FAM216A: variants seen among roughly 807,000 people sequenced by gnomAD.
FAM216A encodes the protein protein FAM216A.
Under a neutral mutation model 37.6 loss-of-function variants are expected in FAM216A, and 26 were observed. The observed-to-expected ratio is 0.69, with a 90% CI of 0.51 to 0.96. The LOEUF is 0.96. Ranked by LOEUF, FAM216A falls within the 40% of genes least tolerant of loss-of-function variation. FAM216A has a pLI of 0.00. For missense variants in FAM216A, 326 were observed against 339.3 expected (o/e 0.96, Z 0.31); for synonymous variants, 110 against 121.7 (o/e 0.90, Z 0.64).
At chr12:110,484,984 G>A (rs1473085546) in intron 2 of FAM216A, 94 bp from the exon 3 acceptor site, 4 of 1,328,556 alleles carry the variant, frequency 3.0e-6, no homozygotes, top group South Asian at 2.9e-5. Context: ...ACAGGCGTGA[G>A]CCACCACACC....
intron 1 of FAM216A, 128 bp from the exon 2 acceptor site, chr12:110,472,950 T>G (rs1390448079): frequency 3.0e-6 from 1 of 337,022 alleles, no homozygotes; most frequent in African/African-American, 3.0e-5. Flanking sequence ...CACTCCAGCC[T>G]GGGTGACAAA....
At position 110,485,161 on chromosome 12, in the gene FAM216A, C is replaced by T. The variant is rs757078138; in HGVS notation, c.268C>T (p.His90Tyr). 3.7e-5 allele frequency: 59 copies of T among 1,612,514 alleles called. No individual in the cohort carries two copies. The African/African-American group carries it at 7.5e-4, about 20-fold the overall frequency. Residue 90 changes from histidine (H) to tyrosine (Y), a missense_variant, in exon 3 of 7, where the codon CAC becomes TAC. Transcript: ENST00000377673. ...LWKTPQNQTI[H>Y]LSKSMMEASF... ...GAAAACTCCCCAAAATCAAACAATC[C>T]ACCTCTCTAAATCAATGATGGAGGC...
In FAM216A at chr12:110,486,569, C is replaced by T. The variant is rs755639393; in HGVS notation, c.472C>T (p.Arg158Cys). The T allele has an allele frequency of 2.9e-5, 46 of 1,613,860 alleles. No homozygotes were observed. Among genetic ancestry groups the T allele is most frequent in the Admixed American group, 6.7e-5 (4 of 59,952 alleles). The change falls in exon 5 of 7, where the codon CGT (arginine) becomes TGT (cysteine). Residue 158 changes from arginine (R) to cysteine (C), a missense_variant. Coordinates refer to ENST00000377673, the MANE Select transcript of FAM216A (RefSeq NM_013300.3). ...TCATCACAGAAGCCGCCTTAGCTCC[C>T]GTTACTCACAGAAACAGCATTACCC... The part of the protein sequence containing the change: ...LTHHRSRLSS[R>C]YSQKQHYPCT...
intron 2 of FAM216A, among the ~76,000 whole-genome samples, chr12:110,483,669 C>T (rs951146532): frequency 3.9e-5 from 6 of 152,128 alleles, no homozygotes; most frequent in African/African-American, 1.4e-4. Flanking sequence ...ACTAAAAATA[C>T]AAAAATTAGC....
intron 2 of FAM216A, among the ~76,000 whole-genome samples, chr12:110,477,956 C>T (rs900525165): frequency 2.0e-5 from 3 of 152,094 alleles, no homozygotes; most frequent in Non-Finnish European, 4.4e-5. Context: ...ATCTGCCCAC[C>T]TCTGCCTCCC....
chr12:110,486,381 T>A lies in FAM216A; in HGVS notation c.363T>A (p.Tyr121Ter). 1 of 1,614,082 alleles carries A rather than the reference T, an allele frequency of 6.2e-7. No individual in the cohort carries two copies. The highest frequency in any genetic ancestry group is 8.5e-7 in the Non-Finnish European group (1 of 1,179,956). ...ACCTGTGCAGCATTGCTAAAATCTA[T>A]AATGCAAACTATCTGAAGATGTTAA... is the stretch of plus-strand genomic sequence containing the variant. ...KRYLCSIAKI[Y>*]NANYLKMLMK... Residue 121 changes from tyrosine to a stop codon, truncating the protein, a stop_gained, in exon 4 of 7, where the codon TAT (tyrosine) becomes TAA (stop). Transcript: ENST00000377673. LOFTEE classifies it high-confidence loss of function.
chr12:110,487,786 T>C lies in FAM216A; in HGVS notation c.621-75T>C, dbSNP rs1016492672. ...GATGTTGGCAGCTAATAAAACAAAT[T>C]TGTGTGGTCTTCCACATGCCCTAGG... On this transcript the variant is annotated intron_variant, in intron 5 of 6. Coordinates refer to ENST00000377673, the MANE Select transcript of FAM216A (RefSeq NM_013300.3). 62 of 862,988 alleles carry C rather than the reference T, an allele frequency of 7.2e-5. 1 individual carries two copies. Among genetic ancestry groups the C allele is most frequent in the Non-Finnish European group, 1.1e-4 (55 of 523,110 alleles). 53.5% of individuals were successfully genotyped at this position (862,988 alleles called of 1,614,324 possible).
intron 1 of FAM216A, among the ~76,000 whole-genome samples, chr12:110,469,725 G>T (rs2062669895): frequency 6.6e-6 from 1 of 151,954 alleles, no homozygotes; most frequent in Non-Finnish European, 1.5e-5. Context: ...GGCTAGGCTT[G>T]TGTCGAACCC....
chr12:110,478,217 A>G (rs2062725616), intron 2 of FAM216A, among the ~76,000 whole-genome samples: 1 of 152,128 alleles, frequency 6.6e-6, no homozygotes, highest in South Asian at 2.1e-4. Flanking sequence ...GGCCAGTGGG[A>G]GCCCTTTAAA....
intron 2 of FAM216A, among the ~76,000 whole-genome samples, chr12:110,477,839 C>CT (rs2062723331): frequency 1.3e-5 from 2 of 152,086 alleles, no homozygotes. Context: ...TCCCGAGTAG[C>CT]TGGGACCACA....
intron 2 of FAM216A, among the ~76,000 whole-genome samples, chr12:110,477,926 C>G (rs768639913): frequency 2.0e-4 from 30 of 151,192 alleles, no homozygotes; most frequent in South Asian, 4.2e-4. Flanking sequence ...CCAAGATGGT[C>G]TCAATCTCCT....
intron 2 of FAM216A, among the ~76,000 whole-genome samples, chr12:110,483,972 G>A (rs539451405): frequency 2.1e-4 from 32 of 151,954 alleles, no homozygotes; most frequent in Non-Finnish European, 4.1e-4. Flanking sequence ...TTTTAAGGCC[G>A]AGTGCAGTGG....
At chr12:110,481,443 C>T (rs2062746437) in intron 2 of FAM216A, among the ~76,000 whole-genome samples, 1 of 152,102 alleles carries the variant, frequency 6.6e-6, no homozygotes, top group Non-Finnish European at 1.5e-5. Flanking sequence ...CTGCCAGGTT[C>T]AAGTGATTCT....
rs145503199 is a variant in FAM216A, at chr12:110,469,139, G to A, written c.143+121G>A. On this transcript the variant is annotated intron_variant, in intron 1 of 6. Transcript: ENST00000377673. ...ACCTCTCGTCTCGGGGGCTGGCCCC[G>A]GTGCCCTCAAGTGAGAGGCGGGGAG... 1,571 of 1,196,076 alleles carry A rather than the reference G, an allele frequency of 1.3e-3. 16 individuals carry two copies. The African/African-American group carries it at 0.02, about 15-fold the overall frequency. 74.1% of individuals were successfully genotyped at this position (1,196,076 alleles called of 1,614,324 possible). A position where few individuals can be genotyped will look rare whatever the true frequency, so the allele number is the denominator to read the frequency against.
At chr12:110,475,421 T>C (rs2062709687) in intron 2 of FAM216A, among the ~76,000 whole-genome samples, 1 of 152,108 alleles carries the variant, frequency 6.6e-6, no homozygotes, top group Non-Finnish European at 1.5e-5. Flanking sequence ...TTTGTATTTT[T>C]AGTGGAGACG....
rs889437932 is a variant in FAM216A at position 110,486,355 on chromosome 12, T to C, written c.337T>C (p.Tyr113His). Residue 113 changes from tyrosine to histidine, a missense_variant, in exon 4 of 7, where the codon TAC becomes CAC. Tyr to His is a moderately conservative substitution (Grantham distance 83). Coordinates refer to ENST00000377673, the MANE Select transcript of FAM216A (RefSeq NM_013300.3). Reference protein sequence around the residue: ...HPDLTTGQKRYLCSIAKIYNA... With the variant: ...HPDLTTGQKRHLCSIAKIYNA... ...AGACCTCACCACAGGCCAGAAGCGT[T>C]ACCTGTGCAGCATTGCTAAAATCTA... The C allele has an allele frequency of 1.2e-6, 2 of 1,613,678 alleles. No individual in the cohort carries two copies. Among genetic ancestry groups the C allele is most frequent in the South Asian group, 2.2e-5 (2 of 91,050 alleles).
At chr12:110,472,042 G>T (rs2062689676) in intron 1 of FAM216A, among the ~76,000 whole-genome samples, 1 of 151,800 alleles carries the variant, frequency 6.6e-6, no homozygotes, top group South Asian at 2.1e-4. Context: ...GACCGGCCTG[G>T]CCAACATGGC....
intron 2 of FAM216A, among the ~76,000 whole-genome samples, chr12:110,480,129 G>A (rs1179545310): frequency 3.4e-5 from 5 of 148,778 alleles, no homozygotes; most frequent in Admixed American, 1.3e-4. Context: ...GAGTTCAAGC[G>A]ATTCTCCTGC....
rs2062776462 is a variant in FAM216A at position 110,486,378 on chromosome 12, C to G, written c.360C>G (p.Ile120Met). 1 of 1,614,022 alleles carries G rather than the reference C, an allele frequency of 6.2e-7. No homozygotes were observed. The highest frequency in any genetic ancestry group is 1.6e-4 in the Middle Eastern group (1 of 6,062). Residue 120 changes from isoleucine (I) to methionine (M), a missense_variant, in exon 4 of 7, where the codon ATC (isoleucine) becomes ATG (methionine). Physicochemically the swap from Ile to Met is conservative, Grantham distance 10. Transcript: ENST00000377673. ...QKRYLCSIAK[I>M]YNANYLKMLM... is the part of the protein sequence containing the mutation. ...GTTACCTGTGCAGCATTGCTAAAATCTATAATGCAAACTATCTGAAGATGT... is the reference window on the plus strand; with the variant it reads ...GTTACCTGTGCAGCATTGCTAAAATGTATAATGCAAACTATCTGAAGATGT...
Sources: gnomAD v4.1 joint callset for allele counts (sites outside exome capture counted in the v4.1 genomes callset) on GRCh38, gnomAD v4.1.1 for gene constraint, MANE v1.5 for transcripts, NCBI Gene and HGNC (gene_info 2026-07-23, HGNC 2026-07-21) for gene names.